The following ZP4 variants were observed in gnomAD, a reference collection of about 807,000 sequenced individuals.
ZP4 encodes the protein zona pellucida glycoprotein 4.
Under a neutral mutation model 62.3 loss-of-function variants are expected in ZP4, and 62 were observed. The observed-to-expected ratio is 0.99, with a 90% CI of 0.81 to 1.23. ZP4 has a LOEUF of 1.23. ZP4 is among the 50% of genes most tolerant of loss of function. ZP4 has a pLI of 0.00. For synonymous variants in ZP4, 289 were observed against 247.3 expected (o/e 1.17, Z -1.58); for missense variants, 774 against 656.0 (o/e 1.18, Z -1.97).
In ZP4 at chr1:237,886,627, CA is replaced by C; in HGVS notation, c.839+143del. 1.3e-5 allele frequency: 8 copies of C among 628,844 alleles called. 1 individual carries two copies. The South Asian group carries it at 1.6e-4, about 13-fold the overall frequency. The allele number at this position is 628,844 out of a possible 1,614,324, so 39.0% of individuals were successfully genotyped here. A position where few individuals can be genotyped will look rare whatever the true frequency, so the allele number is the denominator to read the frequency against. ...AGACAGCAACACAGATGGACCTAAT[CA>C]AGTAATGGGCAGTGCAATTGGTGAA... is the stretch of plus-strand genomic sequence containing the variant. On this transcript the variant is annotated intron_variant, in intron 6 of 11. Coordinates refer to ENST00000366570, the MANE Select transcript of ZP4 (RefSeq NM_021186.5).
chr1:237,885,026 G>T, intron 9 of ZP4, 139 bp downstream of exon 9: 1 of 1,295,680 alleles, frequency 7.7e-7, no homozygotes, highest in Non-Finnish European at 1.1e-6. Context: ...CATGTAATTA[G>T]TAACAAGGGT....
intron 1 of ZP4, 111 bp downstream of exon 1, chr1:237,890,350 G>A (rs1236932599): frequency 1.5e-5 from 22 of 1,484,346 alleles, no homozygotes; most frequent in Non-Finnish European, 2.0e-5. Flanking sequence ...GCAGAAAGAT[G>A]CAACAGGGCT....
In ZP4 at chr1:237,885,316, C is replaced by T; in HGVS notation, c.1161-1G>A. 6.2e-7 allele frequency: 1 copy of T among 1,613,728 alleles called. No individual in the cohort carries two copies. Among genetic ancestry groups the T allele is most frequent in the Non-Finnish European group, 8.5e-7 (1 of 1,179,826 alleles). On this transcript the variant is annotated splice_acceptor_variant, in intron 8 of 11. Transcript: ENST00000366570. LOFTEE classifies it high-confidence loss of function. Reference sequence around the variant, plus strand: ...ATAGTTGTCTCCAATGTAGGGGCAGCTAGACCAAGAGACCCAGCAGTCAGG... The same window carrying T: ...ATAGTTGTCTCCAATGTAGGGGCAGTTAGACCAAGAGACCCAGCAGTCAGG...
chr1:237,886,886 G>A lies in ZP4; in HGVS notation c.742-18C>T. 2 of 1,603,684 alleles carry A rather than the reference G, an allele frequency of 1.2e-6. No individual in the cohort carries two copies. The highest frequency in any genetic ancestry group is 1.1e-5 in the South Asian group (1 of 90,796). ...CCAGTGATCTACAGGAATAGATGGA[G>A]AAGTCTTGATCATTTCTGTTAGTGT... On this transcript the variant is annotated intron_variant, in intron 5 of 11. Transcript: ENST00000366570.
chr1:237,887,294 C>T, intron 5 of ZP4, 80 bp downstream of exon 5: 1 of 1,511,772 alleles, frequency 6.6e-7, no homozygotes, highest in Non-Finnish European at 9.0e-7. Context: ...TCACGGCCAA[C>T]ATATTTCAGC....
intron 9 of ZP4, 57 bp from the exon 10 acceptor site, chr1:237,884,904 A>G (rs542908414): frequency 1.3e-6 from 2 of 1,561,214 alleles, no homozygotes; most frequent in African/African-American, 1.3e-5. Flanking sequence ...GTATCTCTAA[A>G]CCTGCTTTGC....
intron 4 of ZP4, 34 bp downstream of exon 4, chr1:237,888,324 T>C: frequency 6.6e-7 from 1 of 1,510,188 alleles, no homozygotes; most frequent in Non-Finnish European, 8.9e-7. Context: ...CCACACTTCC[T>C]CAGCTGGTTT....
In ZP4 at chr1:237,884,812, A is replaced by G; in HGVS notation, c.1347T>C (p.Pro449=). 1.2e-6 allele frequency: 2 copies of G among 1,613,578 alleles called. No homozygotes were observed. Among genetic ancestry groups the G allele is most frequent in the South Asian group, 1.1e-5 (1 of 90,870 alleles). The part of the protein sequence containing the change: ...HLHCSVSVCQ[P]AETPSCVVTC... ...TCACCACACAGGATGGTGTCTCAGC[A>G]GGCTGGCAGACTGACACGCTGCAGT... The change falls in exon 10 of 12, where the codon CCT becomes CCC. Residue 449 remains proline, a synonymous_variant. Coordinates refer to ENST00000366570, the MANE Select transcript of ZP4 (RefSeq NM_021186.5).
In ZP4 at chr1:237,882,427, G is replaced by T; in HGVS notation, c.1618C>A (p.Gln540Lys). The T allele has an allele frequency of 6.2e-7, 1 of 1,610,256 alleles. No individual in the cohort carries two copies. Among genetic ancestry groups the T allele is most frequent in the South Asian group, 1.1e-5 (1 of 90,242 alleles). Reference sequence around the variant, plus strand: ...GCTGGGAATACACTCTGGTTTTATTGACACATTTGGTCTGGGCAACTCTTC... The same window carrying T: ...GCTGGGAATACACTCTGGTTTTATTTACACATTTGGTCTGGGCAACTCTTC... ...KQKSCPDQMC[Q>K] The change falls in exon 12 of 12, where the codon CAA (glutamine) becomes AAA (lysine). Residue 540 changes from glutamine to lysine, a missense_variant. Physicochemically the swap from Gln to Lys is moderately conservative, Grantham distance 53. Coordinates refer to ENST00000366570, the MANE Select transcript of ZP4 (RefSeq NM_021186.5).
chr1:237,888,298 G>A (rs1054781259), intron 4 of ZP4, 60 bp downstream of exon 4: 3 of 1,457,824 alleles, frequency 2.1e-6, no homozygotes, highest in African/African-American at 1.4e-5. Flanking sequence ...CCCCTCTCTG[G>A]GTTTCATTGT....
Position 237,885,487 on chromosome 1 carries a change from C to T in ZP4, c.1064G>A (p.Arg355Lys). 1 of 1,614,192 alleles carries T rather than the reference C, an allele frequency of 6.2e-7. No homozygotes were observed. The change falls in exon 8 of 12, where the codon AGA (arginine) becomes AAA (lysine). Residue 355 changes from arginine to lysine, a missense_variant. Transcript: ENST00000366570. ...PIYVEVSILHRTDPYLGLLLQ... is the reference protein window; with the variant it reads ...PIYVEVSILHKTDPYLGLLLQ... ...GAGCAGCCCCAGGTAGGGGTCTGTTCTGTGAAGGATGGAGACCTCCACGTA... is the reference window on the plus strand; with the variant it reads ...GAGCAGCCCCAGGTAGGGGTCTGTTTTGTGAAGGATGGAGACCTCCACGTA...
rs761996244 is a variant in ZP4, at chr1:237,885,277, A to G, written c.1199T>C (p.Ile400Thr). 6.2e-7 allele frequency: 1 copy of G among 1,614,146 alleles called. No homozygotes were observed. Among genetic ancestry groups the G allele is most frequent in the South Asian group, 1.1e-5 (1 of 91,074 alleles). Residue 400 changes from isoleucine to threonine, a missense_variant, in exon 9 of 12, where the codon ATC becomes ACC. Physicochemically the swap from Ile to Thr is moderately conservative, Grantham distance 89. Coordinates refer to ENST00000366570, the MANE Select transcript of ZP4 (RefSeq NM_021186.5). ...YIGDNYQTQL[I>T]PVQKALDLPF... is the part of the protein sequence containing the mutation. ...AAGATCCAAGGCTTTCTGGACAGGG[A>G]TCAGCTGGGTCTGATAGTTGTCTCC...
At chr1:237,885,350 C>T (rs748928811) in intron 8 of ZP4, 35 bp from the exon 9 acceptor site, 5 of 1,611,618 alleles carry the variant, frequency 3.1e-6, no homozygotes, top group Non-Finnish European at 3.4e-6. Context: ...GGATGGGCTT[C>T]TTTGAGAATT....
chr1:237,883,667 G>C (rs1664976868), intron 10 of ZP4, among the ~76,000 whole-genome samples: 1 of 3,902 alleles, frequency 2.6e-4, no homozygotes, highest in Non-Finnish European at 4.8e-4. Flanking sequence ...GGAGGGCCGG[G>C]GGAGGGCGGG....
intron 10 of ZP4, among the ~76,000 whole-genome samples, chr1:237,884,031 C>CACAA (rs1558531183): frequency 9.9e-6 from 1 of 100,702 alleles, no homozygotes; most frequent in African/African-American, 3.8e-5. Flanking sequence ...CACACACACA[C>CACAA]AAACACACAC....
chr1:237,882,524 C>T lies in ZP4; in HGVS notation c.1521G>A (p.Leu507=), dbSNP rs764431292. The change falls in exon 12 of 12, where the codon CTG becomes CTA. Residue 507 remains leucine, a synonymous_variant. Transcript: ENST00000366570. The part of the protein sequence containing the change: ...KLRVPVDSKV[L]WVAGLSGTLI... ...AGGTCCCAGAAAGGCCTGCCACCCA[C>T]AGAACTTTCGAGTCTACAGGAACAC... 4.4e-6 allele frequency: 7 copies of T among 1,605,742 alleles called. No individual in the cohort carries two copies. The African/African-American group carries it at 5.4e-5, about 12-fold the overall frequency.
chr1:237,883,969 C>CACACACAA (rs1665010805), intron 10 of ZP4, among the ~76,000 whole-genome samples: 1 of 56,126 alleles, frequency 1.8e-5, no homozygotes, highest in African/African-American at 8.7e-5. Context: ...CACACACAAA[C>CACACACAA]ACACACACAC....
intron 10 of ZP4, among the ~76,000 whole-genome samples, chr1:237,884,025 C>CACACACAA (rs1421419266): frequency 5.9e-5 from 6 of 101,448 alleles, no homozygotes; most frequent in South Asian, 3.0e-4. Context: ...CAAACACACA[C>CACACACAA]ACACACAAAC....
chr1:237,888,657 A>G (rs1665166633), intron 3 of ZP4, 147 bp from the exon 4 acceptor site: 1 of 699,620 alleles, frequency 1.4e-6, no homozygotes. Context: ...TAGTATTGAG[A>G]GGTTACATGT....
Sources: allele counts gnomAD v4.1 joint callset (sites outside exome capture counted in the v4.1 genomes callset), GRCh38; gene constraint gnomAD v4.1.1; transcripts MANE v1.5; gene names NCBI Gene and HGNC (gene_info 2026-07-23, HGNC 2026-07-21).